Variants in PIGP observed in about 807,000 individuals in gnomAD.
PIGP encodes the protein phosphatidylinositol N-acetylglucosaminyltransferase subunit P.
In PIGP, 12 loss-of-function variants were observed where a neutral mutation model predicts 16.9. The observed-to-expected ratio is 0.71, with a 90% CI of 0.46 to 1.15. The LOEUF (loss-of-function observed/expected upper bound fraction) is 1.15, where lower values mean the gene tolerates loss of function less well. Ranked by LOEUF, PIGP falls within the 50% of genes most tolerant of loss-of-function variation. The pLI is 0.00. For missense variants in PIGP, 159 were observed against 153.5 expected, an observed-to-expected ratio of 1.04 and a Z score of -0.19; for synonymous variants, 57 against 54.7, an observed-to-expected ratio of 1.04 and a Z score of -0.18.
intron 3 of PIGP, among the ~76,000 whole-genome samples, chr21:37,068,477 T>C (rs1283306711): frequency 2.0e-5 from 3 of 152,032 alleles, no homozygotes; most frequent in Non-Finnish European, 2.9e-5. Flanking sequence ...GAGAATTTTA[T>C]GTTATTTAAA....
chr21:37,069,108 T>C (rs2069956067), intron 3 of PIGP, among the ~76,000 whole-genome samples: 1 of 152,226 alleles, frequency 6.6e-6, no homozygotes, highest in African/African-American at 2.4e-5. Context: ...AAGAGCTACC[T>C]GGTACCCCAA....
rs545886651 is a variant in PIGP at position 37,069,700 on chromosome 21, T to G, written c.83-76A>C. 6 of 1,018,672 alleles carry G rather than the reference T, an allele frequency of 5.9e-6. No homozygotes were observed. The South Asian group carries it at 8.1e-5, about 14-fold the overall frequency. The allele number at this position is 1,018,672 out of a possible 1,614,324, so 63.1% of individuals were successfully genotyped here. ...CATCTAATCTATCAATCTATTAAGA[T>G]TCAGATAAAACAGAAAAGCTCTTTT... On this transcript the variant is annotated intron_variant, in intron 2 of 4. Coordinates refer to ENST00000360525, the MANE Select transcript of PIGP (RefSeq NM_153682.3).
At position 37,072,981 on chromosome 21, in the gene PIGP, C is replaced by G. The variant is rs1269718726; in HGVS notation, c.-23+19G>C. On this transcript the variant is annotated intron_variant, in intron 1 of 4. Transcript: ENST00000360525. ...GTCCTTCATACGCCCACCCAGGCCC[C>G]TCCCGACACCTCGGCCACCTCAGCG... The G allele has an allele frequency of 4.3e-5, 8 of 184,216 alleles. No individual in the cohort carries two copies. Among genetic ancestry groups the G allele is most frequent in the Non-Finnish European group, 8.9e-5 (8 of 89,684 alleles). The allele number at this position is 184,216 out of a possible 1,614,324, so 11.4% of individuals were successfully genotyped here.
intron 2 of PIGP, chr21:37,072,177 T>G: frequency 6.8e-7 from 1 of 1,468,530 alleles, no homozygotes. Flanking sequence ...CACGACCTCC[T>G]TAAGGGCAGG....
chr21:37,065,590 T>A lies in PIGP; in HGVS notation c.397A>T (p.Lys133Ter). The change falls in exon 5 of 5, where the codon AAA (lysine) becomes TAA (stop). Residue 133 changes from lysine (K) to a stop codon, truncating the protein, a stop_gained. Coordinates refer to ENST00000360525, the MANE Select transcript of PIGP (RefSeq NM_153682.3). LOFTEE classifies it high-confidence loss of function. ...FFLAAKELYT[K>*]N ...CTATGGTTACACACAGTTCAGTTTT[T>A]GGTGTAAAGTTCTTTGGCTGCAAGA... The A allele has an allele frequency of 1.2e-6, 2 of 1,612,878 alleles. No homozygotes were observed. The highest frequency in any genetic ancestry group is 1.7e-6 in the Non-Finnish European group (2 of 1,179,516).
At chr21:37,072,641 A>C (rs974298940) in intron 1 of PIGP, 104 bp from the exon 2 acceptor site, 17 of 1,584,610 alleles carry the variant, frequency 1.1e-5, no homozygotes, top group Non-Finnish European at 1.5e-5. Flanking sequence ...GCCGCGCAGA[A>C]CCGCCTCCCG....
chr21:37,069,949 T>C (rs1426506491), intron 2 of PIGP, among the ~76,000 whole-genome samples: 1 of 152,206 alleles, frequency 6.6e-6, no homozygotes, highest in East Asian at 1.9e-4. Flanking sequence ...TGTTCAATAC[T>C]TCATCCCCAC....
chr21:37,072,298 C>T, intron 2 of PIGP, 136 bp downstream of exon 2: 5 of 1,603,548 alleles, frequency 3.1e-6, no homozygotes, highest in Non-Finnish European at 4.3e-6. Flanking sequence ...AACACGAGAT[C>T]CCTTCAGATT....
intron 2 of PIGP, among the ~76,000 whole-genome samples, chr21:37,070,812 G>A (rs375962308): frequency 1.8e-4 from 27 of 152,334 alleles, no homozygotes; most frequent in African/African-American, 5.3e-4. Context: ...GCCCAGGCTG[G>A]AGTGCAAAAG....
chr21:37,072,541 T>TGGAAAAGGAACACAATCAGC lies in PIGP; in HGVS notation c.-22-24_-22-5dup. 6.2e-7 allele frequency: 1 copy of TGGAAAAGGAACACAATCAGC among 1,614,120 alleles called. No homozygotes were observed. Among genetic ancestry groups the TGGAAAAGGAACACAATCAGC allele is most frequent in the Non-Finnish European group, 8.5e-7 (1 of 1,179,976 alleles). ...TTTTCCTGGGGCTTTAGACAATCTG[T>TGGAAAAGGAACACAATCAGC]GGAAAAGGAACACAATCAGCGTCAG... On this transcript the variant is annotated splice_polypyrimidine_tract_variant and splice_region_variant and intron_variant, in intron 1 of 4. Coordinates refer to ENST00000360525, the MANE Select transcript of PIGP (RefSeq NM_153682.3).
At position 37,069,294 on chromosome 21, in the gene PIGP, AGTT is replaced by A. The variant is rs1489076526; in HGVS notation, c.155+255_155+257del. ...TATTGTTTCTGTGGTTTGTATCTTCAGTTTTTTTTTTTTTTCCTGTAGGGTCAT... is the reference window on the plus strand; with the variant it reads ...TATTGTTTCTGTGGTTTGTATCTTCATTTTTTTTTTTTCCTGTAGGGTCAT... On this transcript the variant is annotated intron_variant, in intron 3 of 4. Transcript: ENST00000360525. The A allele has an allele frequency of 2.8e-5, 7 of 248,260 alleles. No individual in the cohort carries two copies. The East Asian group carries it at 5.3e-4, about 19-fold the overall frequency. The allele number at this position is 248,260 out of a possible 1,614,324, so 15.4% of individuals were successfully genotyped here. A position where few individuals can be genotyped will look rare whatever the true frequency, so the allele number is the denominator to read the frequency against.
intron 1 of PIGP, 91 bp from the exon 2 acceptor site, chr21:37,072,628 C>G (rs751456006): frequency 1.3e-6 from 2 of 1,599,908 alleles, no homozygotes; most frequent in Non-Finnish European, 1.7e-6. Context: ...GGGTACGGCC[C>G]CCGCCGCGCA....
At chr21:37,066,403 G>C (rs918216935) in intron 4 of PIGP, among the ~76,000 whole-genome samples, 2 of 152,144 alleles carry the variant, frequency 1.3e-5, no homozygotes, top group African/African-American at 4.8e-5. Flanking sequence ...CAGTGTATTA[G>C]AAAGACACTT....
At chr21:37,072,764 G>A in intron 1 of PIGP, 1 of 635,318 alleles carries the variant, frequency 1.6e-6, no homozygotes, top group Non-Finnish European at 2.7e-6. Context: ...GGGGTTCTGG[G>A]GCGATAGACG....
chr21:37,072,081 G>T, intron 2 of PIGP: 1 of 811,818 alleles, frequency 1.2e-6, no homozygotes. Context: ...TTCCAGTCTG[G>T]TTTCAATGTC....
intron 4 of PIGP, among the ~76,000 whole-genome samples, chr21:37,067,001 T>TGC (rs1296847497): frequency 6.8e-6 from 1 of 147,240 alleles, no homozygotes; most frequent in African/African-American, 2.6e-5. Context: ...TGTGTGTGTG[T>TGC]GTGTGTGTGT....
intron 4 of PIGP, among the ~76,000 whole-genome samples, chr21:37,067,006 GTGTGTGTGTTT>G (rs1226596986): frequency 9.4e-6 from 1 of 106,352 alleles, no homozygotes; most frequent in African/African-American, 3.0e-5. Context: ...GTGTGTGTGT[GTGTGTGTGTTT>G]TCTTTTAGGA....
At chr21:37,071,150 A>G (rs1347892491) in intron 2 of PIGP, among the ~76,000 whole-genome samples, 1 of 152,180 alleles carries the variant, frequency 6.6e-6, no homozygotes, top group Admixed American at 6.5e-5. Context: ...CAAAAGTGCT[A>G]ACAATAACAT....
chr21:37,068,678 G>A (rs563391612), intron 3 of PIGP, among the ~76,000 whole-genome samples: 33 of 152,240 alleles, frequency 2.2e-4, no homozygotes, highest in Admixed American at 2.2e-3. Context: ...GTCAACTGGT[G>A]AGCCTCACTC....
Sources: gnomAD v4.1 joint callset for allele counts (sites outside exome capture counted in the v4.1 genomes callset) on GRCh38, gnomAD v4.1.1 for gene constraint, MANE v1.5 for transcripts, NCBI Gene and HGNC (gene_info 2026-07-23, HGNC 2026-07-21) for gene names.